Variants in GDE1 observed in about 807,000 individuals in gnomAD.
The protein encoded by GDE1 is RGS16-interacting membrane protein.
A neutral mutation model predicts 32.2 loss-of-function variants in GDE1; 24 were observed. That is an observed-to-expected ratio of 0.75 (90% CI 0.54 to 1.05). The LOEUF is 1.05. Ranked by LOEUF, GDE1 falls within the 50% of genes least tolerant of loss-of-function variation. The pLI is 0.00. For synonymous variants in GDE1, 159 were observed against 158.6 expected (o/e 1.00, Z -0.02); for missense variants, 380 against 415.0 (o/e 0.92, Z 0.73).
intron 3 of GDE1, among the ~76,000 whole-genome samples, chr16:19,509,984 T>C (rs1398072416): frequency 1.3e-5 from 2 of 151,742 alleles, no homozygotes; most frequent in Admixed American, 1.3e-4. Context: ...TTCAATGATA[T>C]CATGGGATTA....
chr16:19,513,067 C>T (rs776973290), intron 2 of GDE1, among the ~76,000 whole-genome samples: 2 of 151,526 alleles, frequency 1.3e-5, no homozygotes, highest in African/African-American at 4.8e-5. Context: ...CCTTTTTGTT[C>T]AGTATTGCTT....
At chr16:19,516,484 A>G (rs73544140) in intron 2 of GDE1, among the ~76,000 whole-genome samples, 3,526 of 152,256 alleles carry the variant, frequency 0.023, 153 homozygotes, top group African/African-American at 0.08. Context: ...CAAGTGCTCA[A>G]TAGCCACAAG....
chr16:19,516,881 A>G, intron 2 of GDE1, 133 bp downstream of exon 2: 1 of 672,926 alleles, frequency 1.5e-6, no homozygotes, highest in Non-Finnish European at 2.5e-6. Context: ...CTTGCTCATT[A>G]CTTACAAGAC....
At chr16:19,521,310 G>T (rs1969449828) in intron 1 of GDE1, 1 of 186,282 alleles carries the variant, frequency 5.4e-6, no homozygotes, top group Non-Finnish European at 1.1e-5. Flanking sequence ...AAATAAAATA[G>T]CGTAACTCTT....
chr16:19,519,044 T>C (rs1188203612), intron 1 of GDE1, among the ~76,000 whole-genome samples: 37 of 152,326 alleles, frequency 2.4e-4, no homozygotes, highest in Non-Finnish European at 8.8e-5. Flanking sequence ...AGATCATAGG[T>C]TGAGGGCTTG....
rs188861825 is a variant in GDE1 at position 19,514,593 on chromosome 16, T to A, written c.437+2421A>T. ...TAAATCTGTTAACTGTATTGTGTATTTATTTAAGTGCAACTGTTTAAAATA... is the reference window on the plus strand; with the variant it reads ...TAAATCTGTTAACTGTATTGTGTATATATTTAAGTGCAACTGTTTAAAATA... On this transcript the variant is annotated intron_variant, in intron 2 of 5. Coordinates refer to ENST00000353258, the MANE Select transcript of GDE1 (RefSeq NM_016641.4). Among the ~76,000 whole-genome samples the A allele has an allele frequency of 5.1e-3, 781 of 152,306 alleles. 6 individuals are homozygous for A. Among genetic ancestry groups the A allele is most frequent in the African/African-American group, 0.018 (751 of 41,556 alleles).
In GDE1 at chr16:19,510,935, G is replaced by C. The variant is rs991373625; in HGVS notation, c.447C>G (p.Phe149Leu). Residue 149 changes from phenylalanine (F) to leucine (L), a missense_variant, in exon 3 of 6, where the codon TTC becomes TTG. Coordinates refer to ENST00000353258, the MANE Select transcript of GDE1 (RefSeq NM_016641.4). ...TTAGGGTAGGGATCTTTTCATCAGG[G>C]AAATCATTCCTGTAAGAGAAGAGAA... ...PAANHRLRND[F>L]PDEKIPTLRE... The C allele has an allele frequency of 6.5e-7, 1 of 1,548,490 alleles. No individual in the cohort carries two copies.
intron 3 of GDE1, among the ~76,000 whole-genome samples, chr16:19,508,415 A>G (rs1480522679): frequency 2.0e-5 from 3 of 152,236 alleles, no homozygotes; most frequent in Admixed American, 6.5e-5. Context: ...GTGAAGTGAC[A>G]TCAATAGCAG....
At chr16:19,519,473 T>TATATATAC (rs1491583827) in intron 1 of GDE1, among the ~76,000 whole-genome samples, 5 of 146,070 alleles carry the variant, frequency 3.4e-5, no homozygotes, top group African/African-American at 1.0e-4. Flanking sequence ...TATATATATA[T>TATATATAC]ACATACACAA....
At chr16:19,516,982 A>C (rs774870746) in intron 2 of GDE1, 32 bp downstream of exon 2, 5 of 1,586,800 alleles carry the variant, frequency 3.2e-6, no homozygotes, top group Non-Finnish European at 4.3e-6. Context: ...TAAAAGCTAA[A>C]AGATCTGTTT....
chr16:19,513,198 A>G (rs1969340722), intron 2 of GDE1, among the ~76,000 whole-genome samples: 1 of 152,168 alleles, frequency 6.6e-6, no homozygotes, highest in Non-Finnish European at 1.5e-5. Flanking sequence ...TATTTTGAGT[A>G]GAATGGTCAC....
Position 19,503,234 on chromosome 16 carries a change from T to C in GDE1, c.*236A>G. 1 of 515,206 alleles carries C rather than the reference T, an allele frequency of 1.9e-6. No homozygotes were observed. The highest frequency in any genetic ancestry group is 3.5e-6 in the Non-Finnish European group (1 of 286,576). 31.9% of individuals were successfully genotyped at this position (515,206 alleles called of 1,614,324 possible). A position where few individuals can be genotyped will look rare whatever the true frequency, so the allele number is the denominator to read the frequency against. On this transcript the variant is annotated 3_prime_UTR_variant, in exon 6 of 6. Transcript: ENST00000353258. ...TCAGCTAGGGCAGGGCAGGGGCTCTTGTGCGTTTTTTCAGACCCAGATTTT... is the reference window on the plus strand; with the variant it reads ...TCAGCTAGGGCAGGGCAGGGGCTCTCGTGCGTTTTTTCAGACCCAGATTTT...
chr16:19,503,876 G>A (rs1230936210), intron 5 of GDE1: 2 of 376,024 alleles, frequency 5.3e-6, no homozygotes, highest in East Asian at 4.0e-5. Flanking sequence ...GCCACTGAAG[G>A]TGTGCCTGAC....
At position 19,518,020 on chromosome 16, in the gene GDE1, C is replaced by T. The variant is rs150173543; in HGVS notation, c.262-831G>A. Among the ~76,000 whole-genome samples the T allele has an allele frequency of 5.2e-3, 795 of 151,784 alleles. 6 individuals carry two copies. Among genetic ancestry groups the T allele is most frequent in the African/African-American group, 0.018 (760 of 41,388 alleles). ...CTCCCACCTCAGTCTCCCAAGTAGC[C>T]GGGACTACTGGCACGTGCCACCATG... On this transcript the variant is annotated intron_variant, in intron 1 of 5. Transcript: ENST00000353258.
At chr16:19,512,917 T>C (rs1183086067) in intron 2 of GDE1, among the ~76,000 whole-genome samples, 1 of 136,552 alleles carries the variant, frequency 7.3e-6, no homozygotes, top group Non-Finnish European at 1.6e-5. Flanking sequence ...CACTGGTCTA[T>C]GTATCTGTTT....
intron 2 of GDE1, among the ~76,000 whole-genome samples, chr16:19,511,901 T>C (rs1304222931): frequency 1.3e-5 from 2 of 152,132 alleles, no homozygotes; most frequent in Non-Finnish European, 2.9e-5. Flanking sequence ...CAGGATATCA[T>C]CCTTTTTTAT....
In GDE1 at chr16:19,521,886, T is replaced by G. The variant is rs761274376; in HGVS notation, c.79A>C (p.Ser27Arg). Residue 27 changes from serine to arginine, a missense_variant, in exon 1 of 6, where the codon AGC (serine) becomes CGC (arginine). By Grantham distance (110) the Ser-to-Arg change is moderately radical. Coordinates refer to ENST00000353258, the MANE Select transcript of GDE1 (RefSeq NM_016641.4). Reference protein sequence around the residue: ...LLLVLLLVTRSPVNACLLTGS... With the variant: ...LLLVLLLVTRRPVNACLLTGS... ...GTGAGGAGGCAGGCATTGACCGGGCTCCGCGTCACCAGCAGCAGCACTAGC... is the reference window on the plus strand; with the variant it reads ...GTGAGGAGGCAGGCATTGACCGGGCGCCGCGTCACCAGCAGCAGCACTAGC... 3 of 1,602,526 alleles carry G rather than the reference T, an allele frequency of 1.9e-6. No homozygotes were observed. Among genetic ancestry groups the G allele is most frequent in the Non-Finnish European group, 2.6e-6 (3 of 1,175,700 alleles).
At chr16:19,516,786 T>A (rs966184053) in intron 2 of GDE1, among the ~76,000 whole-genome samples, 4 of 152,226 alleles carry the variant, frequency 2.6e-5, no homozygotes, top group African/African-American at 9.6e-5. Flanking sequence ...CTAGACAGTA[T>A]TATCTTGACA....
chr16:19,516,629 T>G (rs1374146677), intron 2 of GDE1, among the ~76,000 whole-genome samples: 2 of 152,212 alleles, frequency 1.3e-5, no homozygotes, highest in Admixed American at 6.5e-5. Flanking sequence ...AAGTTTGTTA[T>G]GAGGATCAGA....
Sources: allele counts gnomAD v4.1 joint callset (sites outside exome capture counted in the v4.1 genomes callset), GRCh38; gene constraint gnomAD v4.1.1; transcripts MANE v1.5; gene names NCBI Gene and HGNC (gene_info 2026-07-23, HGNC 2026-07-21).